Variants in KDM4C observed in about 807,000 individuals in gnomAD.
KDM4C encodes lysine-specific demethylase 4C.
A neutral mutation model predicts 129.3 loss-of-function variants in KDM4C; 81 were observed. That is an observed-to-expected ratio of 0.63 (90% CI 0.52 to 0.75). The LOEUF is 0.75. KDM4C is among the 30% of genes least tolerant of loss of function. The pLI, the probability that KDM4C is intolerant of heterozygous loss-of-function variation, is 0.00. For missense variants in KDM4C, 1,457 were observed against 1,304.0 expected, an observed-to-expected ratio of 1.12 and a Z score of -1.81; for synonymous variants, 573 against 456.1, an observed-to-expected ratio of 1.26 and a Z score of -3.26.
At chr9:6,889,950 A>G (rs1343289062) in intron 7 of KDM4C, among the ~76,000 whole-genome samples, 1 of 152,152 alleles carries the variant, frequency 6.6e-6, no homozygotes, top group Non-Finnish European at 1.5e-5. Context: ...CGCTGGAGGC[A>G]TTGGGCTCTC....
intron 19 of KDM4C, among the ~76,000 whole-genome samples, chr9:7,141,793 T>C (rs115366814): frequency 6.6e-5 from 10 of 151,960 alleles, no homozygotes; most frequent in African/African-American, 2.4e-4. Context: ...TTTGTTGTTA[T>C]TAGGTTTTTT....
intron 15 of KDM4C, among the ~76,000 whole-genome samples, chr9:7,036,122 G>A (rs1215035578): frequency 6.6e-6 from 1 of 151,852 alleles, no homozygotes; most frequent in Non-Finnish European, 1.5e-5. Context: ...TATGAGCTTG[G>A]GATGTTTTCC....
chr9:7,033,038 G>T (rs1827043446), intron 15 of KDM4C, among the ~76,000 whole-genome samples: 1 of 152,030 alleles, frequency 6.6e-6, no homozygotes, highest in Admixed American at 6.6e-5. Context: ...GAAGAGCTCT[G>T]AAGCGGCTTT....
At chr9:7,112,674 G>A (rs1838459835) in intron 18 of KDM4C, among the ~76,000 whole-genome samples, 1 of 152,180 alleles carries the variant, frequency 6.6e-6, no homozygotes, top group Non-Finnish European at 1.5e-5. Context: ...TGTAGCTATG[G>A]GTTGAATCTA....
At chr9:7,119,996 A>T (rs1839319884) in intron 18 of KDM4C, among the ~76,000 whole-genome samples, 1 of 152,152 alleles carries the variant, frequency 6.6e-6, no homozygotes, top group African/African-American at 2.4e-5. Context: ...GCACCTAGGA[A>T]TGTGCCTTAT....
intron 1 of KDM4C, among the ~76,000 whole-genome samples, chr9:6,725,509 T>C (rs1374018761): frequency 1.3e-5 from 2 of 152,080 alleles, no homozygotes; most frequent in Non-Finnish European, 2.9e-5. Context: ...TTTTTTGAGA[T>C]GGAGTTTTGC....
intron 5 of KDM4C, among the ~76,000 whole-genome samples, chr9:6,865,917 C>A (rs1841880481): frequency 6.6e-6 from 1 of 151,968 alleles, no homozygotes; most frequent in Admixed American, 6.5e-5. Context: ...CCATGCCTGG[C>A]TAATTTTTTG....
chr9:6,877,686 G>C (rs1223595723), intron 5 of KDM4C, among the ~76,000 whole-genome samples: 2 of 152,208 alleles, frequency 1.3e-5, no homozygotes, highest in Non-Finnish European at 2.9e-5. Context: ...CTTGACTGCT[G>C]AGTGGGGTAG....
At chr9:6,983,573 GACACACACACACAC>G (rs56086219) in intron 9 of KDM4C, among the ~76,000 whole-genome samples, 8,156 of 142,584 alleles carry the variant, frequency 0.057, 359 homozygotes, top group East Asian at 0.23. Context: ...GTGTCTTTAT[GACACACACACACAC>G]ACACACACAC....
intron 1 of KDM4C, chr9:6,726,504 G>A (rs1453651886): frequency 6.6e-6 from 1 of 152,218 alleles, no homozygotes; most frequent in Non-Finnish European, 1.5e-5. Flanking sequence ...TTTTACCAGG[G>A]AATGAATGCT....
chr9:6,754,885 A>T (rs1818191248), upstream of KDM4C, among the ~76,000 whole-genome samples: 3 of 106,492 alleles, frequency 2.8e-5, no homozygotes, highest in African/African-American at 1.1e-4. Context: ...CAAAGTAAAA[A>T]AAAAAAAAAA....
rs531124187 is a variant in KDM4C, at chr9:6,989,064, G to A, written c.1678-1352G>A. On this transcript the variant is annotated intron_variant, in intron 11 of 21. Transcript: ENST00000381309. ...CTGCTATAGCTCCAGCTATGACAAC[G>A]GTATGGTGCATAGTAGTGTGTTGAT... Among the ~76,000 whole-genome samples the A allele has an allele frequency of 7.9e-5, 12 of 152,284 alleles. No homozygotes were observed. The South Asian group carries it at 1.2e-3, about 16-fold the overall frequency.
chr9:6,855,002 A>G (rs1839542160), intron 5 of KDM4C, among the ~76,000 whole-genome samples: 1 of 152,260 alleles, frequency 6.6e-6, no homozygotes, highest in Non-Finnish European at 1.5e-5. Context: ...TGTGGATTAA[A>G]TAACATGCTA....
At chr9:6,953,948 A>G (rs1411999546) in intron 8 of KDM4C, among the ~76,000 whole-genome samples, 2 of 152,124 alleles carry the variant, frequency 1.3e-5, no homozygotes, top group Non-Finnish European at 2.9e-5. Flanking sequence ...TTTTTATATT[A>G]AAGTCTTCAT....
chr9:6,848,677 A>T (rs889542878), intron 4 of KDM4C, among the ~76,000 whole-genome samples: 15 of 152,104 alleles, frequency 9.9e-5, no homozygotes, highest in Admixed American at 5.2e-4. Context: ...AGGGGAAAAA[A>T]AAAAAATGAT....
At chr9:7,068,074 G>A (rs1832690603) in intron 17 of KDM4C, among the ~76,000 whole-genome samples, 2 of 152,166 alleles carry the variant, frequency 1.3e-5, no homozygotes, top group African/African-American at 2.4e-5. Context: ...GGGATTACAG[G>A]CGTGAGCCAC....
intron 11 of KDM4C, among the ~76,000 whole-genome samples, chr9:6,989,965 A>T (rs987862332): frequency 6.7e-6 from 1 of 149,512 alleles, no homozygotes; most frequent in African/African-American, 2.5e-5. Context: ...AATTATTGAC[A>T]CAGAGTCTCC....
intron 8 of KDM4C, among the ~76,000 whole-genome samples, chr9:6,959,714 G>T (rs1432650632): frequency 6.6e-6 from 1 of 152,156 alleles, no homozygotes; most frequent in African/African-American, 2.4e-5. Flanking sequence ...CTGTGAAATT[G>T]TAGTCTAGTT....
At chr9:7,047,440 GA>G (rs1414530001) in intron 16 of KDM4C, among the ~76,000 whole-genome samples, 4 of 152,054 alleles carry the variant, frequency 2.6e-5, no homozygotes, top group African/African-American at 9.7e-5. Context: ...TGGAGAATAT[GA>G]AGAGAGTCTT....
Sources: allele counts gnomAD v4.1 joint callset (sites outside exome capture counted in the v4.1 genomes callset), GRCh38; gene constraint gnomAD v4.1.1; transcripts MANE v1.5; gene names NCBI Gene and HGNC (gene_info 2026-07-23, HGNC 2026-07-21).